SMPD3: variants seen among roughly 807,000 people sequenced by gnomAD.
SMPD3 encodes nSMase-2.
A neutral mutation model predicts 55.7 loss-of-function variants in SMPD3; 21 were observed. The observed-to-expected ratio is 0.38, with a 90% CI of 0.27 to 0.54. The LOEUF is 0.54. Ranked by LOEUF, SMPD3 falls within the 20% of genes least tolerant of loss-of-function variation. The pLI, the probability that SMPD3 is intolerant of heterozygous loss-of-function variation, is 0.80. For synonymous variants in SMPD3, 457 were observed against 404.3 expected (o/e 1.13, Z -1.56); for missense variants, 842 against 899.6 (o/e 0.94, Z 0.82).
At chr16:68,408,079 C>T (rs1041018689) in intron 1 of SMPD3, among the ~76,000 whole-genome samples, 4 of 152,148 alleles carry the variant, frequency 2.6e-5, no homozygotes, top group Non-Finnish European at 5.9e-5. Flanking sequence ...TGTGACCAAG[C>T]TCCAAATTTA....
chr16:68,397,727 G>A (rs371206140), intron 1 of SMPD3, among the ~76,000 whole-genome samples: 2 of 152,246 alleles, frequency 1.3e-5, no homozygotes, highest in African/African-American at 4.8e-5. Flanking sequence ...GGAATTCCAC[G>A]CCTTGCTTGG....
chr16:68,363,975 C>G, intron 5 of SMPD3, 109 bp from the exon 6 acceptor site: 1 of 1,010,560 alleles, frequency 9.9e-7, no homozygotes, highest in African/African-American at 1.6e-5. Flanking sequence ...AGGCCCCCAT[C>G]CCTTAGGCCA....
intron 1 of SMPD3, among the ~76,000 whole-genome samples, chr16:68,431,333 A>T (rs1214840226): frequency 1.3e-5 from 2 of 152,208 alleles, no homozygotes; most frequent in African/African-American, 4.8e-5. Context: ...TTCGGGACTA[A>T]TTTACTTAAA....
intron 1 of SMPD3, among the ~76,000 whole-genome samples, chr16:68,395,105 A>G (rs1444097570): frequency 2.6e-5 from 4 of 151,734 alleles, no homozygotes; most frequent in Admixed American, 2.6e-4. Context: ...AAAAAAAAAA[A>G]GAGGCAGGAT....
At chr16:68,385,416 A>C (rs1001965045) in intron 2 of SMPD3, among the ~76,000 whole-genome samples, 1 of 152,086 alleles carries the variant, frequency 6.6e-6, no homozygotes, top group Non-Finnish European at 1.5e-5. Flanking sequence ...TTCCCACAAA[A>C]CAAGACCTTT....
rs774326852 is a variant in SMPD3, at chr16:68,371,579, G to A, written c.603C>T (p.Pro201=). The part of the protein sequence containing the change: ...QGGDGVARAV[P]GSIKRTASVE... ...CAGAGGCTGTCCTCTTAATGCTCCC[G>A]GGGACGGCCCGGGCCACCCCATCGC... The change falls in exon 3 of 9, where the codon CCC becomes CCT. Residue 201 remains proline (P), a synonymous_variant. Transcript: ENST00000219334. 15 of 1,582,286 alleles carry A rather than the reference G, an allele frequency of 9.5e-6. No homozygotes were observed. Among genetic ancestry groups the A allele is most frequent in the South Asian group, 2.3e-5 (2 of 87,100 alleles).
intron 1 of SMPD3, among the ~76,000 whole-genome samples, chr16:68,428,320 A>G (rs1326199399): frequency 6.6e-6 from 1 of 152,230 alleles, no homozygotes; most frequent in Admixed American, 6.5e-5. Flanking sequence ...ATCCTTGACT[A>G]GTGTGCCAGA....
In SMPD3 at chr16:68,371,835, T is replaced by C. The variant is rs2089679838; in HGVS notation, c.347A>G (p.Lys116Arg). 6.2e-7 allele frequency: 1 copy of C among 1,605,956 alleles called. No homozygotes were observed. Among genetic ancestry groups the C allele is most frequent in the Non-Finnish European group, 8.5e-7 (1 of 1,177,090 alleles). ...AGGAALLSEW[K>R]GTGPGKSFCF... ...GAAGCTTTTGCCAGGCCCCGTGCCC[T>C]TCCATTCACTGAGCAGGGCTGCCCC... Residue 116 changes from lysine (K) to arginine (R), a missense_variant, in exon 3 of 9, where the codon AAG becomes AGG. Physicochemically the swap from Lys to Arg is conservative, Grantham distance 26. Around this residue, in one of 2 missense-constraint regions of SMPD3, gnomAD observed 193 missense variants for 256.0 expected, o/e 0.75. Coordinates refer to ENST00000219334, the MANE Select transcript of SMPD3 (RefSeq NM_018667.4).
chr16:68,388,152 A>G (rs1597636259), intron 1 of SMPD3, among the ~76,000 whole-genome samples: 2 of 152,276 alleles, frequency 1.3e-5, no homozygotes, highest in East Asian at 3.9e-4. Context: ...AGGAAGCCAG[A>G]GCCCCCCAGG....
intron 1 of SMPD3, among the ~76,000 whole-genome samples, chr16:68,392,267 CTTT>C (rs1361501771): frequency 6.6e-6 from 1 of 152,068 alleles, no homozygotes; most frequent in African/African-American, 2.4e-5. Flanking sequence ...TTGACCTTTT[CTTT>C]TTATTATTTT....
chr16:68,423,431 T>G (rs1203394789), intron 1 of SMPD3, among the ~76,000 whole-genome samples: 2 of 152,152 alleles, frequency 1.3e-5, no homozygotes, highest in Non-Finnish European at 2.9e-5. Flanking sequence ...ATGATGGGGC[T>G]GGCGGCTTTA....
At chr16:68,429,195 A>G (rs2090460796) in intron 1 of SMPD3, among the ~76,000 whole-genome samples, 2 of 152,212 alleles carry the variant, frequency 1.3e-5, no homozygotes, top group South Asian at 4.1e-4. Flanking sequence ...TTGTGGGCAA[A>G]GCCAATGCCT....
At position 68,358,421 on chromosome 16, in the gene SMPD3, A is replaced by G. The variant is rs1489023783; in HGVS notation, c.*2785T>C. On this transcript the variant is annotated 3_prime_UTR_variant, in exon 9 of 9. Transcript: ENST00000219334. ...ACCTCTCTTCGCAAAATATTTTATC[A>G]GGTGTAAAGACTTGTTTTTCTTCTA... The G allele has an allele frequency of 6.5e-6, 1 of 152,698 alleles. No homozygotes were observed. The highest frequency in any genetic ancestry group is 2.4e-5 in the African/African-American group (1 of 41,474). 9.5% of individuals were successfully genotyped at this position (152,698 alleles called of 1,614,324 possible).
chr16:68,363,186 A>G (rs1233097038), intron 7 of SMPD3, among the ~76,000 whole-genome samples: 1 of 151,158 alleles, frequency 6.6e-6, no homozygotes, highest in Non-Finnish European at 1.5e-5. Flanking sequence ...GGCCCGGGGG[A>G]AATTCCAGGC....
At chr16:68,418,682 C>T (rs200333532) in intron 1 of SMPD3, among the ~76,000 whole-genome samples, 26 of 152,188 alleles carry the variant, frequency 1.7e-4, no homozygotes, top group Non-Finnish European at 3.5e-4. Context: ...ACCTTGCAAA[C>T]CAGTTTGGAT....
intron 1 of SMPD3, among the ~76,000 whole-genome samples, chr16:68,434,828 G>T (rs1402581515): frequency 6.6e-6 from 1 of 152,146 alleles, no homozygotes; most frequent in Non-Finnish European, 1.5e-5. Flanking sequence ...GCTTATCTCA[G>T]CTTGCCCTTC....
At chr16:68,419,601 A>G (rs999321396) in intron 1 of SMPD3, among the ~76,000 whole-genome samples, 30 of 152,208 alleles carry the variant, frequency 2.0e-4, no homozygotes, top group African/African-American at 7.0e-4. Context: ...TTGGTAAGAG[A>G]AAAACCATGT....
At position 68,409,871 on chromosome 16, in the gene SMPD3, C is replaced by T. The variant is rs184406643; in HGVS notation, c.-268-23212G>A. Among the ~76,000 whole-genome samples, 427 of 152,308 alleles carry T rather than the reference C, an allele frequency of 2.8e-3. 1 individual carries two copies. Among genetic ancestry groups the T allele is most frequent in the African/African-American group, 9.3e-3 (388 of 41,570 alleles). Reference sequence around the variant, plus strand: ...CTTCCCAAAGTGCTGGGATTACAGGCGTGAGCCACCGCGCCCAGCCAATGA... The same window carrying T: ...CTTCCCAAAGTGCTGGGATTACAGGTGTGAGCCACCGCGCCCAGCCAATGA... On this transcript the variant is annotated intron_variant, in intron 1 of 8. Transcript: ENST00000219334.
At position 68,370,977 on chromosome 16, in the gene SMPD3, C is replaced by T; in HGVS notation, c.1205G>A (p.Cys402Tyr). The change falls in exon 3 of 9, where the codon TGT (cysteine) becomes TAT (tyrosine). Residue 402 changes from cysteine to tyrosine, a missense_variant. Cys to Tyr is a radical substitution (Grantham distance 194). This residue lies in a region of SMPD3 where 649 missense variants were observed against 643.6 expected (regional missense o/e 1.01). Transcript: ENST00000219334. ...GGCAAAGAGGAGGCCGCTGTTGAGACACTTGAAGCTGCAGCAGCCCTGGCA... is the reference window on the plus strand; with the variant it reads ...GGCAAAGAGGAGGCCGCTGTTGAGATACTTGAAGCTGCAGCAGCCCTGGCA... ...YGCQGCCSFK[C>Y]LNSGLLFASR... 6.2e-7 allele frequency: 1 copy of T among 1,614,050 alleles called. No homozygotes were observed. The highest frequency in any genetic ancestry group is 8.5e-7 in the Non-Finnish European group (1 of 1,180,016).
Sources: allele counts gnomAD v4.1 joint callset (sites outside exome capture counted in the v4.1 genomes callset), GRCh38; gene constraint gnomAD v4.1.1; regional missense constraint gnomAD v4.1.1; transcripts MANE v1.5; gene names NCBI Gene and HGNC (gene_info 2026-07-23, HGNC 2026-07-21).